CELF2: variants seen among roughly 807,000 people sequenced by gnomAD.
CELF2 encodes the protein CUG triplet repeat RNA-binding protein 2.
In CELF2, 8 loss-of-function variants were observed where a neutral mutation model predicts 62.6. That is an observed-to-expected ratio of 0.13 (90% CI 0.07 to 0.23). CELF2 has a LOEUF of 0.23. Ranked by LOEUF, CELF2 falls within the 10% of genes least tolerant of loss-of-function variation. The pLI, the probability that CELF2 is intolerant of heterozygous loss-of-function variation, is 1.00. For synonymous variants in CELF2, 258 were observed against 250.0 expected (o/e 1.03, Z -0.30); for missense variants, 333 against 671.0 (o/e 0.50, Z 5.56).
At chr10:11,114,546 G>A (rs558776501) in intron 1 of CELF2, among the ~76,000 whole-genome samples, 25 of 152,212 alleles carry the variant, frequency 1.6e-4, no homozygotes, top group African/African-American at 5.8e-4. Context: ...AATCAAAAAA[G>A]GACTTGAAAT....
intron 1 of CELF2, among the ~76,000 whole-genome samples, chr10:11,089,724 C>G (rs1358831513): frequency 6.6e-6 from 1 of 152,040 alleles, no homozygotes; most frequent in Non-Finnish European, 1.5e-5. Flanking sequence ...ATATACATGC[C>G]CTCATATGTT....
chr10:11,040,307 G>A (rs1002068185), intron 1 of CELF2, among the ~76,000 whole-genome samples: 1 of 152,044 alleles, frequency 6.6e-6, no homozygotes. Flanking sequence ...AGCAAAATAG[G>A]GTCTCTGTTT....
At chr10:11,240,825 G>A (rs1295810693) in intron 3 of CELF2, among the ~76,000 whole-genome samples, 1 of 152,188 alleles carries the variant, frequency 6.6e-6, no homozygotes, top group Non-Finnish European at 1.5e-5. Context: ...GGAAATTATG[G>A]TAATGTTACA....
At chr10:10,811,540 CT>C (rs761114006) in intron 1 of CELF2, among the ~76,000 whole-genome samples, 1 of 152,062 alleles carries the variant, frequency 6.6e-6, no homozygotes, top group Non-Finnish European at 1.5e-5. Flanking sequence ...CTTTCAGGTT[CT>C]TCAGAAAGAC....
At chr10:10,467,641 C>T in the CELF2 span, among the ~76,000 whole-genome samples, 68 of 152,072 alleles carry the variant, frequency 4.5e-4, no homozygotes, top group African/African-American at 1.6e-3. Flanking sequence ...AGAATTGCAT[C>T]GAATATAAAT....
intron 1 of CELF2, among the ~76,000 whole-genome samples, chr10:11,084,841 G>A (rs142270728): frequency 1.3e-5 from 2 of 152,208 alleles, no homozygotes; most frequent in African/African-American, 4.8e-5. Context: ...CAACAAAGAG[G>A]TCATTATCGT....
At chr10:11,258,549 G>A (rs1446293785) in intron 5 of CELF2, among the ~76,000 whole-genome samples, 2 of 152,156 alleles carry the variant, frequency 1.3e-5, no homozygotes, top group African/African-American at 4.8e-5. Context: ...AGAATAGTTG[G>A]AAATCACTGT....
At chr10:11,032,637 T>A (rs1163980186) in intron 1 of CELF2, among the ~76,000 whole-genome samples, 1 of 152,100 alleles carries the variant, frequency 6.6e-6, no homozygotes, top group Non-Finnish European at 1.5e-5. Context: ...TATCTCACGA[T>A]GTTGTAACTC....
chr10:10,860,635 T>A (rs1209825784), intron 1 of CELF2, among the ~76,000 whole-genome samples: 1 of 152,228 alleles, frequency 6.6e-6, no homozygotes, highest in Non-Finnish European at 1.5e-5. Context: ...TTAGCAGAGT[T>A]TGTTTGAGCA....
the CELF2 span, among the ~76,000 whole-genome samples, chr10:10,495,290 A>C: frequency 0.016 from 2,459 of 152,208 alleles, 75 homozygotes; most frequent in African/African-American, 0.057. Flanking sequence ...AAAAAAATTT[A>C]CCTCTTTGTA....
chr10:10,782,018 T>G, the CELF2 span, among the ~76,000 whole-genome samples: 1 of 152,188 alleles, frequency 6.6e-6, no homozygotes, highest in African/African-American at 2.4e-5. Flanking sequence ...TTTAAGTAAT[T>G]GAGAGATGAT....
At chr10:10,833,954 A>G (rs970945885) in intron 1 of CELF2, among the ~76,000 whole-genome samples, 6 of 152,234 alleles carry the variant, frequency 3.9e-5, no homozygotes, top group Non-Finnish European at 8.8e-5. Flanking sequence ...CAGCAATCCC[A>G]TTCCTGGGTA....
chr10:10,759,697 A>G, the CELF2 span, among the ~76,000 whole-genome samples: 96 of 152,182 alleles, frequency 6.3e-4, no homozygotes, highest in African/African-American at 2.2e-3. Flanking sequence ...TAGGAGAATC[A>G]CCATTGTCAT....
At position 11,098,450 on chromosome 10, in the gene CELF2, TGCAGAGGGATAACA is replaced by T. The variant is rs1466145476; in HGVS notation, c.75-67034_75-67021del. ...GACGTGAGCTCAAACCCCCATGTAC[TGCAGAGGGATAACA>T]GTTCTTCAGCCTTGAAAAAGGAATC... is the stretch of plus-strand genomic sequence containing the variant. On this transcript the variant is annotated intron_variant, in intron 1 of 12. Transcript: ENST00000633077. The surrounding 1 kb of genome is among the most constrained non-coding windows in gnomAD (Gnocchi z 4.0). 2.0e-5 allele frequency: 3 copies of T among 152,022 alleles called. No homozygotes were observed. Among genetic ancestry groups the T allele is most frequent in the Admixed American group, 1.3e-4 (2 of 15,252 alleles). 9.4% of individuals were successfully genotyped at this position (152,022 alleles called of 1,614,324 possible).
chr10:10,490,574 G>C, the CELF2 span, among the ~76,000 whole-genome samples: 5 of 151,980 alleles, frequency 3.3e-5, no homozygotes, highest in Admixed American at 6.6e-5. Context: ...TGGTTGGGGG[G>C]GGGTGGAGCA....
At chr10:11,001,558 C>A (rs528154740), upstream of CELF2, among the ~76,000 whole-genome samples, 4 of 152,268 alleles carry the variant, frequency 2.6e-5, no homozygotes, top group African/African-American at 9.6e-5. Flanking sequence ...ATAATTTCAC[C>A]TTTTAAATTT....
chr10:10,500,270 C>CAG, the CELF2 span, among the ~76,000 whole-genome samples: 1 of 152,098 alleles, frequency 6.6e-6, no homozygotes, highest in South Asian at 2.1e-4. Context: ...AGAAATAATT[C>CAG]AGAGAGATGC....
the CELF2 span, among the ~76,000 whole-genome samples, chr10:10,608,670 C>T: frequency 6.6e-6 from 1 of 152,100 alleles, no homozygotes; most frequent in Middle Eastern, 3.2e-3. Flanking sequence ...CCACTTGTGT[C>T]CTATAATCTA....
chr10:10,660,830 T>C, the CELF2 span, among the ~76,000 whole-genome samples: 7 of 152,322 alleles, frequency 4.6e-5, no homozygotes, highest in South Asian at 8.3e-4. Context: ...TCTCTATCCC[T>C]TTCTGTAATC....
Sources: allele counts gnomAD v4.1 joint callset (sites outside exome capture counted in the v4.1 genomes callset), GRCh38; gene constraint gnomAD v4.1.1; non-coding constraint Gnocchi (gnomAD v3.1); transcripts MANE v1.5; gene names NCBI Gene and HGNC (gene_info 2026-07-23, HGNC 2026-07-21).